WWOX: variants seen among roughly 807,000 people sequenced by gnomAD.
The protein encoded by WWOX is WW domain containing oxidoreductase.
A neutral mutation model predicts 46.2 loss-of-function variants in WWOX; 69 were observed. That is an observed-to-expected ratio of 1.49 (90% CI 1.23 to 1.82). The LOEUF is 1.82. WWOX is among the 40% of genes most tolerant of loss of function. WWOX has a pLI of 0.00. For missense variants in WWOX, 919 were observed against 542.6 expected (o/e 1.69, Z -6.89); for synonymous variants, 359 against 202.6 (o/e 1.77, Z -6.56).
chr16:78,554,355 A>G (rs2044239813), intron 8 of WWOX, among the ~76,000 whole-genome samples: 1 of 152,194 alleles, frequency 6.6e-6, no homozygotes, highest in Admixed American at 6.5e-5. Context: ...CCTACCGCTC[A>G]AAGCCATCAC....
At chr16:79,084,763 G>C (rs2048823594) in intron 8 of WWOX, among the ~76,000 whole-genome samples, 1 of 151,766 alleles carries the variant, frequency 6.6e-6, no homozygotes, top group Admixed American at 6.6e-5. Context: ...GTGACTCCTT[G>C]TTAGGGTTTG....
At chr16:78,857,926 G>C (rs2052603964) in intron 8 of WWOX, among the ~76,000 whole-genome samples, 1 of 152,120 alleles carries the variant, frequency 6.6e-6, no homozygotes, top group African/African-American at 2.4e-5. Context: ...ATATTTGAAT[G>C]AATGTGCCAG....
At chr16:78,765,803 T>G (rs997551909) in intron 8 of WWOX, among the ~76,000 whole-genome samples, 1 of 152,158 alleles carries the variant, frequency 6.6e-6, no homozygotes, top group African/African-American at 2.4e-5. Flanking sequence ...GTCAGAGAAC[T>G]CATCGCACTA....
At chr16:78,514,792 A>C (rs765627953) in intron 8 of WWOX, among the ~76,000 whole-genome samples, 2 of 152,210 alleles carry the variant, frequency 1.3e-5, no homozygotes, top group Non-Finnish European at 2.9e-5. Context: ...TGTTACTATA[A>C]TTTGTCTGCC....
intron 8 of WWOX, among the ~76,000 whole-genome samples, chr16:78,894,363 C>G (rs147106344): frequency 3.3e-5 from 5 of 152,144 alleles, no homozygotes; most frequent in Non-Finnish European, 7.3e-5. Flanking sequence ...AAAGGATACA[C>G]CTCCAAGTAT....
chr16:78,959,667 G>A (rs565749399), intron 8 of WWOX, among the ~76,000 whole-genome samples: 40 of 152,172 alleles, frequency 2.6e-4, no homozygotes, highest in Admixed American at 9.8e-4. Context: ...AAAATTTGTC[G>A]GATAGACTGC....
intron 8 of WWOX, among the ~76,000 whole-genome samples, chr16:78,723,242 A>G (rs1337582889): frequency 6.6e-6 from 1 of 152,168 alleles, no homozygotes. Flanking sequence ...TTATAAGTTT[A>G]TGCCACTGCA....
At chr16:78,227,776 C>T (rs755445767) in intron 5 of WWOX, among the ~76,000 whole-genome samples, 1 of 152,092 alleles carries the variant, frequency 6.6e-6, no homozygotes, top group African/African-American at 2.4e-5. Flanking sequence ...ACTTGGGAGG[C>T]TGAGGCAGGA....
At chr16:78,775,237 C>T (rs75276924) in intron 8 of WWOX, among the ~76,000 whole-genome samples, 4,209 of 152,174 alleles carry the variant, frequency 0.028, 203 homozygotes, top group African/African-American at 0.097. Flanking sequence ...GTATTCAGCC[C>T]GGCCAATAAT....
chr16:78,447,496 ATC>A (rs909012065), intron 8 of WWOX, among the ~76,000 whole-genome samples: 1 of 152,220 alleles, frequency 6.6e-6, no homozygotes, highest in African/African-American at 2.4e-5. Flanking sequence ...ATGGAATTGA[ATC>A]TGTATTTATC....
chr16:78,887,126 G>GTGTA (rs2044480854), intron 8 of WWOX, among the ~76,000 whole-genome samples: 1 of 118,400 alleles, frequency 8.4e-6, no homozygotes, highest in Non-Finnish European at 1.9e-5. Context: ...GTGTGTGTGT[G>GTGTA]TGTGTGTGTA....
intron 8 of WWOX, among the ~76,000 whole-genome samples, chr16:78,908,846 A>G (rs1453744437): frequency 6.6e-6 from 1 of 152,176 alleles, no homozygotes; most frequent in African/African-American, 2.4e-5. Context: ...TATCTAAAGT[A>G]CTGATGTTCG....
intron 8 of WWOX, among the ~76,000 whole-genome samples, chr16:79,194,784 C>T (rs933177943): frequency 3.3e-5 from 5 of 152,030 alleles, no homozygotes; most frequent in African/African-American, 7.2e-5. Context: ...AATTTTTCCC[C>T]GTATTATACA....
At chr16:78,517,745 G>T (rs1330560023) in intron 8 of WWOX, among the ~76,000 whole-genome samples, 1 of 150,556 alleles carries the variant, frequency 6.6e-6, no homozygotes, top group Non-Finnish European at 1.5e-5. Flanking sequence ...CACATGTCAC[G>T]TTATGGAGCT....
At chr16:79,211,034 AGT>A (rs58334968) in intron 8 of WWOX, among the ~76,000 whole-genome samples, 27,358 of 149,642 alleles carry the variant, frequency 0.18, 2,715 homozygotes, top group African/African-American at 0.26. Context: ...TATGGTGAGG[AGT>A]GTGTGTGTGT....
chr16:78,199,836 C>T (rs1367370552), intron 5 of WWOX, among the ~76,000 whole-genome samples: 3 of 152,240 alleles, frequency 2.0e-5, no homozygotes, highest in South Asian at 4.2e-4. Context: ...GCATTTATGT[C>T]TGTAGATTTC....
chr16:78,229,500 C>A lies in WWOX; in HGVS notation c.516+65211C>A, dbSNP rs1234325364. Among the ~76,000 whole-genome samples, 682 of 110,436 alleles carry A rather than the reference C, an allele frequency of 6.2e-3. 8 individuals are homozygous for A. Among genetic ancestry groups the A allele is most frequent in the African/African-American group, 0.022 (657 of 30,476 alleles). The allele number at this position is 110,436 out of a possible 152,430, so 72.5% of individuals were successfully genotyped here. A position where few individuals can be genotyped will look rare whatever the true frequency, so the allele number is the denominator to read the frequency against. On this transcript the variant is annotated intron_variant, in intron 5 of 8. Coordinates refer to ENST00000566780, the MANE Select transcript of WWOX (RefSeq NM_016373.4). ...TATGTATATCTGTATATATATTTAT[C>A]TATATCTATATAGAGATATATATAT...
chr16:78,440,309 C>T (rs1459136597), intron 8 of WWOX, among the ~76,000 whole-genome samples: 3 of 152,168 alleles, frequency 2.0e-5, no homozygotes, highest in African/African-American at 7.2e-5. Flanking sequence ...CCACTTCTGG[C>T]TCCATGCTCT....
intron 5 of WWOX, among the ~76,000 whole-genome samples, chr16:78,186,719 C>T (rs567295342): frequency 3.3e-5 from 5 of 152,294 alleles, no homozygotes; most frequent in South Asian, 2.1e-4. Flanking sequence ...GAGCCAAGAT[C>T]GTGCCACTGC....
Sources: gnomAD v4.1 joint callset for allele counts (sites outside exome capture counted in the v4.1 genomes callset) on GRCh38, gnomAD v4.1.1 for gene constraint, MANE v1.5 for transcripts, NCBI Gene and HGNC (gene_info 2026-07-23, HGNC 2026-07-21) for gene names.